XKR9: variants seen among roughly 807,000 people sequenced by gnomAD.
The protein encoded by XKR9 is XK-related protein 9.
Under a neutral mutation model 32.0 loss-of-function variants are expected in XKR9, and 32 were observed. The ratio of observed to expected loss-of-function variants is 1.00; its 90% CI spans 0.76 to 1.34. The LOEUF (loss-of-function observed/expected upper bound fraction) is 1.34, where lower values mean the gene tolerates loss of function less well. XKR9 is among the 40% of genes most tolerant of loss of function. The probability of loss-of-function intolerance (pLI) is 0.00; values close to 1 mark genes in which losing one functional copy is unlikely to be tolerated. For synonymous variants in XKR9, 168 were observed against 143.4 expected (o/e 1.17, Z -1.22); for missense variants, 546 against 429.7 (o/e 1.27, Z -2.39).
the XKR9 span, among the ~76,000 whole-genome samples, chr8:70,893,660 G>T: frequency 6.6e-6 from 1 of 152,158 alleles, no homozygotes; most frequent in East Asian, 1.9e-4. Context: ...GGCTGTAGAA[G>T]TTTGTGGTAA....
rs1806848124 is a variant in XKR9 at position 70,735,805 on chromosome 8, A to G, written c.*1381A>G. ...AAAGGACATGAACTCATCATTTTTTATGGCTGCATAGTATTCCATGGTGTA... is the reference window on the plus strand; with the variant it reads ...AAAGGACATGAACTCATCATTTTTTGTGGCTGCATAGTATTCCATGGTGTA... On this transcript the variant is annotated 3_prime_UTR_variant, in exon 5 of 5. Transcript: ENST00000408926. The G allele has an allele frequency of 6.6e-6, 1 of 151,840 alleles. No individual in the cohort carries two copies. The highest frequency in any genetic ancestry group is 1.5e-5 in the Non-Finnish European group (1 of 67,978). The allele number at this position is 151,840 out of a possible 1,614,324, so 9.4% of individuals were successfully genotyped here.
chr8:70,795,440 C>T, the XKR9 span, among the ~76,000 whole-genome samples: 1 of 151,990 alleles, frequency 6.6e-6, no homozygotes, highest in Non-Finnish European at 1.5e-5. Flanking sequence ...AACATATGGA[C>T]ACATGTCCAC....
At chr8:71,049,027 A>G in the XKR9 span, among the ~76,000 whole-genome samples, 1 of 152,228 alleles carries the variant, frequency 6.6e-6, no homozygotes, top group Non-Finnish European at 1.5e-5. Flanking sequence ...ACTTTAACAT[A>G]TGGATTCTCA....
chr8:70,997,760 G>A, the XKR9 span, among the ~76,000 whole-genome samples: 1 of 152,004 alleles, frequency 6.6e-6, no homozygotes, highest in Non-Finnish European at 1.5e-5. Context: ...CCAAACTATT[G>A]AAATAAATAA....
At chr8:70,970,481 C>T in the XKR9 span, among the ~76,000 whole-genome samples, 2 of 152,046 alleles carry the variant, frequency 1.3e-5, no homozygotes. Flanking sequence ...TGCCCACCCC[C>T]CAACAGGCCC....
chr8:70,756,795 T>C (rs550742037), intron 2 of XKR9, among the ~76,000 whole-genome samples: 1 of 152,338 alleles, frequency 6.6e-6, no homozygotes, highest in East Asian at 1.9e-4. Flanking sequence ...CATCTGCAAA[T>C]AGAGATCATT....
intron 4 of XKR9, among the ~76,000 whole-genome samples, chr8:70,730,656 G>A (rs1469313802): frequency 6.6e-6 from 1 of 152,100 alleles, no homozygotes; most frequent in East Asian, 1.9e-4. Context: ...ACTCAGAAGC[G>A]ATTGTTGAGG....
chr8:70,997,408 A>G, the XKR9 span, among the ~76,000 whole-genome samples: 3 of 152,218 alleles, frequency 2.0e-5, no homozygotes, highest in Admixed American at 1.3e-4. Flanking sequence ...TATATTAAAC[A>G]TATTTTTATG....
At chr8:70,916,880 T>A in the XKR9 span, among the ~76,000 whole-genome samples, 2 of 152,072 alleles carry the variant, frequency 1.3e-5, no homozygotes, top group African/African-American at 2.4e-5. Context: ...TTTTTTTTTT[T>A]ACATCTTTCA....
At chr8:70,792,466 T>C (rs931822943), downstream of XKR9, among the ~76,000 whole-genome samples, 2 of 152,112 alleles carry the variant, frequency 1.3e-5, no homozygotes, top group African/African-American at 2.4e-5. Flanking sequence ...AAGAATTTGC[T>C]TCAGGGTGTC....
At chr8:70,750,731 T>C (rs1807128077) in intron 2 of XKR9, among the ~76,000 whole-genome samples, 1 of 152,230 alleles carries the variant, frequency 6.6e-6, no homozygotes, top group African/African-American at 2.4e-5. Flanking sequence ...TTTTCTAATC[T>C]TTAACTATCA....
At chr8:71,027,743 T>C in the XKR9 span, among the ~76,000 whole-genome samples, 2 of 149,448 alleles carry the variant, frequency 1.3e-5, no homozygotes, top group Non-Finnish European at 3.0e-5. Context: ...ATTTAAGGAT[T>C]GTATTTGTCT....
At chr8:70,967,063 C>CTATTTTTT in the XKR9 span, among the ~76,000 whole-genome samples, 1 of 68,964 alleles carries the variant, frequency 1.5e-5, no homozygotes, top group East Asian at 2.1e-4. Context: ...TGGATCTTGA[C>CTATTTTTT]TCTTTTTTTT....
chr8:70,901,415 A>G, the XKR9 span, among the ~76,000 whole-genome samples: 110 of 152,282 alleles, frequency 7.2e-4, no homozygotes, highest in African/African-American at 2.5e-3. Flanking sequence ...GCCAGTGATG[A>G]TGAGCATTTT....
the XKR9 span, among the ~76,000 whole-genome samples, chr8:70,898,273 T>A: frequency 2.0e-5 from 3 of 152,228 alleles, no homozygotes; most frequent in African/African-American, 7.2e-5. Context: ...ATTCCATTGA[T>A]CGATGTGTCT....
chr8:70,752,338 TTATC>T (rs749858135), intron 2 of XKR9, among the ~76,000 whole-genome samples: 1 of 152,238 alleles, frequency 6.6e-6, no homozygotes, highest in Non-Finnish European at 1.5e-5. Flanking sequence ...AGAGGTTTAT[TTATC>T]TTACGATTTT....
the XKR9 span, among the ~76,000 whole-genome samples, chr8:70,820,551 T>G: frequency 1.3e-5 from 2 of 152,186 alleles, no homozygotes; most frequent in Non-Finnish European, 2.9e-5. Context: ...TTCATTTTCT[T>G]ACTGCTATAA....
At chr8:70,716,741 C>T (rs957795262) in intron 4 of XKR9, among the ~76,000 whole-genome samples, 3 of 152,140 alleles carry the variant, frequency 2.0e-5, no homozygotes, top group Non-Finnish European at 2.9e-5. Context: ...CATGTCCTCA[C>T]ATTTCAAAAC....
rs534521043 is a variant in XKR9, at chr8:70,696,111, A to C, written c.273-10822A>C. On this transcript the variant is annotated intron_variant, in intron 3 of 4. Transcript: ENST00000408926. Reference sequence around the variant, plus strand: ...TTTGTCAGATGAGTAGGTTGCAAAAATTTTCTCCCATTTTGTAGGTTGCCT... The same window carrying C: ...TTTGTCAGATGAGTAGGTTGCAAAACTTTTCTCCCATTTTGTAGGTTGCCT... 1.4e-3 allele frequency among the ~76,000 whole-genome samples: 203 copies of C among 150,218 alleles called. 2 individuals are homozygous for C. Among genetic ancestry groups the C allele is most frequent in the African/African-American group, 4.8e-3 (195 of 40,994 alleles).
Sources: gnomAD v4.1 joint callset for allele counts (sites outside exome capture counted in the v4.1 genomes callset) on GRCh38, gnomAD v4.1.1 for gene constraint, MANE v1.5 for transcripts, NCBI Gene and HGNC (gene_info 2026-07-23, HGNC 2026-07-21) for gene names.